FAT3: variants seen among roughly 807,000 people sequenced by gnomAD.
FAT3 encodes the protein protocadherin Fat 3.
A neutral mutation model predicts 310.2 loss-of-function variants in FAT3; 95 were observed. The observed-to-expected ratio is 0.31, with a 90% CI of 0.26 to 0.36. The LOEUF (loss-of-function observed/expected upper bound fraction) is 0.36. Among genes scored for constraint, FAT3 ranks in the 10% least tolerant of loss-of-function variants. The pLI is 1.00. For synonymous variants in FAT3, 2,314 were observed against 2,192.9 expected (o/e 1.06, Z -1.54); for missense variants, 5,408 against 5,715.6 (o/e 0.95, Z 1.74).
Position 92,355,018 on chromosome 11 carries a change from G to A in FAT3, c.2906G>A (p.Gly969Asp), listed in dbSNP as rs1565252705. 6.2e-7 allele frequency: 1 copy of A among 1,613,828 alleles called. No individual in the cohort carries two copies. Among genetic ancestry groups the A allele is most frequent in the Non-Finnish European group, 8.5e-7 (1 of 1,179,862 alleles). The change falls in exon 2 of 28, where the codon GGT (glycine) becomes GAT (aspartate). Residue 969 changes from glycine (G) to aspartate (D), a missense_variant. Around this residue, in one of 5 missense-constraint regions of FAT3, gnomAD observed 4,588 missense variants for 4,809.8 expected, o/e 0.95. Coordinates refer to ENST00000525166, the MANE Select transcript of FAT3 (RefSeq NM_001367949.2). Reference sequence around the variant, plus strand: ...CATGATCCAGATCTTGGACTGGGGGGTCAAGTGCGCTATTCTTTGGTCAAT... The same window carrying A: ...CATGATCCAGATCTTGGACTGGGGGATCAAGTGCGCTATTCTTTGGTCAAT... The part of the protein sequence containing the change: ...ETHDPDLGLG[G>D]QVRYSLVNDY...
At chr11:92,276,172 T>TA (rs1258250148) in intron 1 of FAT3, among the ~76,000 whole-genome samples, 7 of 152,322 alleles carry the variant, frequency 4.6e-5, no homozygotes, top group Admixed American at 3.3e-4. Flanking sequence ...AAACAATGGC[T>TA]AATACATTAA....
intron 3 of FAT3, among the ~76,000 whole-genome samples, chr11:92,678,355 G>A (rs1943357081): frequency 1.3e-5 from 2 of 152,166 alleles, no homozygotes; most frequent in South Asian, 2.1e-4. Context: ...TTTGGGTGTG[G>A]AGAGGTGGAG....
intron 3 of FAT3, among the ~76,000 whole-genome samples, chr11:92,538,565 T>C (rs1226642092): frequency 6.6e-6 from 1 of 152,088 alleles, no homozygotes; most frequent in Non-Finnish European, 1.5e-5. Context: ...TTCTTGAAAA[T>C]CGATGAATAA....
chr11:92,830,785 T>A (rs1435499207), intron 13 of FAT3, among the ~76,000 whole-genome samples: 1 of 152,120 alleles, frequency 6.6e-6, no homozygotes, highest in Non-Finnish European at 1.5e-5. Context: ...CTAAGGGTCA[T>A]TCTAGAAGCC....
intron 1 of FAT3, among the ~76,000 whole-genome samples, chr11:92,320,713 A>G (rs1169553568): frequency 3.3e-5 from 5 of 151,688 alleles, no homozygotes; most frequent in Non-Finnish European, 5.9e-5. Context: ...ACTAAATACA[A>G]AAAAAAATTA....
At chr11:92,386,104 A>C (rs1591207739) in intron 2 of FAT3, among the ~76,000 whole-genome samples, 3 of 152,128 alleles carry the variant, frequency 2.0e-5, no homozygotes, top group African/African-American at 7.2e-5. Context: ...GTGCCACTGC[A>C]CTCCAGCCTA....
intron 2 of FAT3, among the ~76,000 whole-genome samples, chr11:92,381,436 A>G (rs933795939): frequency 2.6e-5 from 4 of 152,128 alleles, no homozygotes; most frequent in Non-Finnish European, 4.4e-5. Context: ...TTGCTCGAAC[A>G]TGGGAGGCGG....
intron 2 of FAT3, among the ~76,000 whole-genome samples, chr11:92,513,729 C>T (rs1848514073): frequency 6.6e-6 from 1 of 152,090 alleles, no homozygotes. Flanking sequence ...CACAAGTGAA[C>T]AGACTCTGTT....
chr11:92,412,756 C>T (rs11019949), intron 2 of FAT3, among the ~76,000 whole-genome samples: 215 of 25,982 alleles, frequency 8.3e-3, no homozygotes, highest in Non-Finnish European at 0.013. Context: ...AATATACATA[C>T]ATATATATAT....
At chr11:92,876,080 T>C (rs1185153486) in intron 22 of FAT3, among the ~76,000 whole-genome samples, 1 of 152,106 alleles carries the variant, frequency 6.6e-6, no homozygotes, top group African/African-American at 2.4e-5. Context: ...GATGTAGTTT[T>C]ATTTAAGAAA....
At chr11:92,726,946 C>T (rs969658656) in intron 4 of FAT3, among the ~76,000 whole-genome samples, 5 of 152,016 alleles carry the variant, frequency 3.3e-5, no homozygotes, top group Non-Finnish European at 7.4e-5. Flanking sequence ...TAGAAGTCCA[C>T]ATCTCCCTAG....
chr11:92,472,505 G>A (rs528519704), intron 2 of FAT3, among the ~76,000 whole-genome samples: 6 of 152,278 alleles, frequency 3.9e-5, no homozygotes, highest in Middle Eastern at 3.4e-3. Context: ...GCATTGGGAC[G>A]TAGTATTTGC....
intron 1 of FAT3, among the ~76,000 whole-genome samples, chr11:92,290,950 A>C (rs1946673396): frequency 6.6e-6 from 1 of 152,024 alleles, no homozygotes. Flanking sequence ...TTAAATACTA[A>C]TTTGAAAGGC....
chr11:92,492,653 C>T (rs1952643298), intron 2 of FAT3, among the ~76,000 whole-genome samples: 3 of 151,996 alleles, frequency 2.0e-5, no homozygotes, highest in Admixed American at 2.0e-4. Context: ...GGAGCTTCCC[C>T]TCTCCAGCCC....
At chr11:92,545,425 G>A (rs1954584682) in intron 3 of FAT3, among the ~76,000 whole-genome samples, 1 of 152,148 alleles carries the variant, frequency 6.6e-6, no homozygotes, top group African/African-American at 2.4e-5. Context: ...ATTGGATATA[G>A]TTTCTTGAAC....
intron 2 of FAT3, among the ~76,000 whole-genome samples, chr11:92,490,888 T>C (rs1952580634): frequency 1.3e-5 from 2 of 152,010 alleles, no homozygotes; most frequent in South Asian, 4.1e-4. Flanking sequence ...ATAGCTAAAA[T>C]TAGCTTCACT....
intron 2 of FAT3, among the ~76,000 whole-genome samples, chr11:92,428,501 C>G (rs1950690829): frequency 6.6e-6 from 1 of 152,126 alleles, no homozygotes; most frequent in South Asian, 2.1e-4. Context: ...ATCTTCTGCA[C>G]TTTCTCCTGT....
chr11:92,861,160 T>C (rs1351092100), intron 21 of FAT3, among the ~76,000 whole-genome samples: 1 of 152,166 alleles, frequency 6.6e-6, no homozygotes, highest in Non-Finnish European at 1.5e-5. Flanking sequence ...TTTTGTATAA[T>C]TGCTGGGAAA....
intron 1 of FAT3, among the ~76,000 whole-genome samples, chr11:92,245,609 A>G (rs1864868100): frequency 1.3e-5 from 2 of 152,170 alleles, no homozygotes; most frequent in Non-Finnish European, 1.5e-5. Context: ...TTTTCTATAA[A>G]GGATCAGACA....
Sources: allele counts gnomAD v4.1 joint callset (sites outside exome capture counted in the v4.1 genomes callset), GRCh38; gene constraint gnomAD v4.1.1; regional missense constraint gnomAD v4.1.1; transcripts MANE v1.5; gene names NCBI Gene and HGNC (gene_info 2026-07-23, HGNC 2026-07-21).